Variants in CA10 observed in about 807,000 individuals in gnomAD.
CA10 encodes the protein carbonic anhydrase-related protein 10.
Under a neutral mutation model 44.2 loss-of-function variants are expected in CA10, and 14 were observed. The observed-to-expected ratio is 0.32, with a 90% CI of 0.21 to 0.50. The LOEUF (loss-of-function observed/expected upper bound fraction) is 0.50. Ranked by LOEUF, CA10 falls within the 20% of genes least tolerant of loss-of-function variation. The pLI is 0.99. For synonymous variants in CA10, 159 were observed against 141.6 expected, an observed-to-expected ratio of 1.12 and a Z score of -0.87; for missense variants, 350 against 409.7, an observed-to-expected ratio of 0.85 and a Z score of 1.26.
intron 2 of CA10, among the ~76,000 whole-genome samples, chr17:51,938,863 A>G (rs1476610645): frequency 6.6e-6 from 1 of 152,100 alleles, no homozygotes; most frequent in African/African-American, 2.4e-5. Context: ...ATACTCAAAG[A>G]GGTTAAATGA....
intron 4 of CA10, among the ~76,000 whole-genome samples, chr17:51,696,592 G>T (rs541203596): frequency 1.3e-5 from 2 of 152,072 alleles, no homozygotes; most frequent in South Asian, 4.2e-4. Flanking sequence ...ATTCAGTTCT[G>T]CTCAATTTTA....
At chr17:51,964,318 G>A (rs1984000333) in intron 2 of CA10, among the ~76,000 whole-genome samples, 1 of 151,946 alleles carries the variant, frequency 6.6e-6, no homozygotes, top group African/African-American at 2.4e-5. Context: ...AATCATCAGG[G>A]ACTTCAGTAC....
At chr17:51,692,423 C>A (rs1237130558) in intron 4 of CA10, among the ~76,000 whole-genome samples, 2 of 89,192 alleles carry the variant, frequency 2.2e-5, no homozygotes, top group Non-Finnish European at 5.8e-5. Context: ...ATCTATCTAT[C>A]TATTTTACCA....
chr17:51,859,068 TA>T (rs1325311033), intron 3 of CA10, among the ~76,000 whole-genome samples: 8 of 152,144 alleles, frequency 5.3e-5, no homozygotes, highest in Non-Finnish European at 1.2e-4. Context: ...AATTGTTAGT[TA>T]ATAATTAACA....
chr17:51,723,715 T>C (rs573379063), intron 4 of CA10, among the ~76,000 whole-genome samples: 1 of 152,344 alleles, frequency 6.6e-6, no homozygotes. Context: ...TTGCTGACCC[T>C]TTTATCTTTG....
At chr17:51,889,053 G>A (rs1980738757) in intron 3 of CA10, among the ~76,000 whole-genome samples, 1 of 152,148 alleles carries the variant, frequency 6.6e-6, no homozygotes, top group African/African-American at 2.4e-5. Context: ...ACAACACATG[G>A]CCTCTCTAGG....
chr17:52,034,417 T>G (rs994976045), intron 2 of CA10, among the ~76,000 whole-genome samples: 1 of 152,196 alleles, frequency 6.6e-6, no homozygotes, highest in Non-Finnish European at 1.5e-5. Flanking sequence ...AGTGGTTTGA[T>G]CTAGGTAGAA....
At chr17:51,768,166 CTTT>C (rs59128137) in intron 3 of CA10, among the ~76,000 whole-genome samples, 2 of 141,832 alleles carry the variant, frequency 1.4e-5, no homozygotes, top group Admixed American at 7.1e-5. Context: ...TAAAGATGTG[CTTT>C]TTTTTTTTTT....
At chr17:51,659,111 A>G (rs973313376) in intron 4 of CA10, among the ~76,000 whole-genome samples, 4 of 152,178 alleles carry the variant, frequency 2.6e-5, no homozygotes, top group African/African-American at 9.7e-5. Flanking sequence ...TCTAGAAGAT[A>G]TTAGCATTTG....
chr17:52,013,449 T>C (rs969807089), intron 2 of CA10, among the ~76,000 whole-genome samples: 2 of 151,674 alleles, frequency 1.3e-5, no homozygotes, highest in Non-Finnish European at 2.9e-5. Flanking sequence ...AAGAATAAAA[T>C]TAAAATGCAG....
intron 1 of CA10, among the ~76,000 whole-genome samples, chr17:52,102,261 T>G: frequency 6.6e-6 from 1 of 152,240 alleles, no homozygotes; most frequent in East Asian, 1.9e-4. Flanking sequence ...GAAGGCTGTT[T>G]GTGGAACATC....
At chr17:52,120,336 G>A (rs982354040) in intron 1 of CA10, among the ~76,000 whole-genome samples, 3 of 152,116 alleles carry the variant, frequency 2.0e-5, no homozygotes, top group African/African-American at 7.2e-5. Context: ...ATAGGCCTAT[G>A]AGGGAGATCT....
At chr17:51,830,144 C>T (rs1308166034) in intron 3 of CA10, among the ~76,000 whole-genome samples, 1 of 139,698 alleles carries the variant, frequency 7.2e-6, no homozygotes, top group Non-Finnish European at 1.5e-5. Flanking sequence ...TTGCAGTGAG[C>T]TGAGATTGCG....
At chr17:51,928,719 G>A (rs1233265874) in intron 3 of CA10, among the ~76,000 whole-genome samples, 2 of 152,084 alleles carry the variant, frequency 1.3e-5, no homozygotes, top group African/African-American at 2.4e-5. Flanking sequence ...TTTTCAAATC[G>A]ATTAAGTTGG....
At chr17:51,636,773 T>TG (rs1912844927) in intron 6 of CA10, among the ~76,000 whole-genome samples, 2 of 45,686 alleles carry the variant, frequency 4.4e-5, no homozygotes, top group Admixed American at 4.9e-4. Context: ...CAACTGATTA[T>TG]TTTGTGTGTG....
intron 4 of CA10, among the ~76,000 whole-genome samples, chr17:51,687,656 G>A (rs937134696): frequency 3.9e-5 from 6 of 152,182 alleles, no homozygotes; most frequent in African/African-American, 1.4e-4. Context: ...AGACATCACT[G>A]TGGTTCTATC....
chr17:51,798,999 T>G (rs186050775), intron 3 of CA10, among the ~76,000 whole-genome samples: 1 of 151,994 alleles, frequency 6.6e-6, no homozygotes, highest in African/African-American at 2.4e-5. Flanking sequence ...GGGGAAACAG[T>G]GGGGAGTAGC....
chr17:51,741,564 G>A (rs539370026), intron 4 of CA10, among the ~76,000 whole-genome samples: 1 of 152,264 alleles, frequency 6.6e-6, no homozygotes, highest in East Asian at 1.9e-4. Context: ...GGAAAAAAAT[G>A]CCTATAAGAT....
chr17:51,886,724 A>G (rs1176631462), intron 3 of CA10, among the ~76,000 whole-genome samples: 2 of 152,220 alleles, frequency 1.3e-5, no homozygotes, highest in African/African-American at 2.4e-5. Flanking sequence ...AGTAAAGAAT[A>G]TTGTCCTCAC....
Sources: allele counts gnomAD v4.1 joint callset (sites outside exome capture counted in the v4.1 genomes callset), GRCh38; gene constraint gnomAD v4.1.1; transcripts MANE v1.5; gene names NCBI Gene and HGNC (gene_info 2026-07-23, HGNC 2026-07-21).